ASTN2: variants seen among roughly 807,000 people sequenced by gnomAD.
ASTN2 encodes the protein astrotactin-2.
In ASTN2, 54 loss-of-function variants were observed where a neutral mutation model predicts 139.8. The ratio of observed to expected loss-of-function variants is 0.39; its 90% confidence interval spans 0.31 to 0.48. The LOEUF (loss-of-function observed/expected upper bound fraction) is 0.48, where lower values mean the gene tolerates loss of function less well. ASTN2 is among the 20% of genes least tolerant of loss of function. The probability of loss-of-function intolerance (pLI) is 0.95; values close to 1 mark genes in which losing one functional copy is unlikely to be tolerated. For synonymous variants in ASTN2, 756 were observed against 719.5 expected, an observed-to-expected ratio of 1.05 and a Z score of -0.81; for missense variants, 1,565 against 1,725.1, an observed-to-expected ratio of 0.91 and a Z score of 1.64.
At chr9:116,805,175 GA>G (rs1292887464) in intron 13 of ASTN2, among the ~76,000 whole-genome samples, 1 of 151,832 alleles carries the variant, frequency 6.6e-6, no homozygotes, top group African/African-American at 2.4e-5. Flanking sequence ...GAGAGAAAGA[GA>G]GAAGTAGAAA....
chr9:117,105,055 A>G (rs191327503), intron 4 of ASTN2, among the ~76,000 whole-genome samples: 5 of 152,178 alleles, frequency 3.3e-5, no homozygotes, highest in South Asian at 2.1e-4. Context: ...GTGGGATGGT[A>G]TATTTTCCAA....
intron 13 of ASTN2, among the ~76,000 whole-genome samples, chr9:116,738,494 CTA>C (rs1021533121): frequency 6.6e-5 from 10 of 151,564 alleles, no homozygotes; most frequent in East Asian, 1.9e-4. Context: ...AAAAAAAAGA[CTA>C]TGTGTTGGGT....
chr9:116,851,677 A>G lies in ASTN2; in HGVS notation c.2040+11906T>C, dbSNP rs181928944. ...GCATATAATAATTTCATAATTAAAA[A>G]AAAACACGTTTTAGTTGAATTGCTT... On this transcript the variant is annotated intron_variant, in intron 11 of 22. Coordinates refer to ENST00000313400, the MANE Select transcript of ASTN2 (RefSeq NM_001365068.1). Among the ~76,000 whole-genome samples the G allele has an allele frequency of 7.9e-5, 12 of 152,216 alleles. No homozygotes were observed. In the East Asian group the frequency reaches 2.3e-3, roughly 29 times the overall value.
chr9:116,693,930 A>C (rs983325418), intron 16 of ASTN2, among the ~76,000 whole-genome samples: 3 of 152,204 alleles, frequency 2.0e-5, no homozygotes, highest in Admixed American at 6.5e-5. Context: ...ATTTCAGGCT[A>C]AGATCCTTCA....
intron 11 of ASTN2, among the ~76,000 whole-genome samples, chr9:116,861,740 G>T (rs1832887483): frequency 6.6e-6 from 1 of 152,194 alleles, no homozygotes; most frequent in African/African-American, 2.4e-5. Context: ...GGATAAATGG[G>T]CATGAGAACC....
At chr9:117,383,523 C>T (rs1162420100) in intron 1 of ASTN2, among the ~76,000 whole-genome samples, 2 of 151,930 alleles carry the variant, frequency 1.3e-5, no homozygotes, top group South Asian at 2.1e-4. Context: ...TTGCTTTGAA[C>T]TGTAACACTT....
chr9:117,141,291 C>T (rs760770909), intron 4 of ASTN2, 35 bp downstream of exon 4: 2 of 1,362,624 alleles, frequency 1.5e-6, no homozygotes, highest in Non-Finnish European at 2.0e-6. Flanking sequence ...GGACAACCTT[C>T]TGACTTCCTG....
At position 116,423,573 on chromosome 9, in the gene ASTN2, C is replaced by T. The variant is rs1588043445; in HGVS notation, c.*2278G>A. On this transcript the variant is annotated 3_prime_UTR_variant, in exon 23 of 23. Transcript: ENST00000313400. ...GGACCCAGGCCCAGCAAACTGATAG[C>T]TCTCTGAAGGCCCATGTATACCCAG... Among the ~76,000 whole-genome samples, 1 of 152,306 alleles carries T rather than the reference C, an allele frequency of 6.6e-6. No homozygotes were observed. Among genetic ancestry groups the T allele is most frequent in the East Asian group, 1.9e-4 (1 of 5,188 alleles).
At chr9:117,259,727 T>C (rs1418268650) in intron 2 of ASTN2, among the ~76,000 whole-genome samples, 1 of 152,202 alleles carries the variant, frequency 6.6e-6, no homozygotes, top group Non-Finnish European at 1.5e-5. Flanking sequence ...CATGTATTGA[T>C]TGATGTATTA....
chr9:117,323,053 G>T (rs1286248348), intron 1 of ASTN2, among the ~76,000 whole-genome samples: 1 of 151,864 alleles, frequency 6.6e-6, no homozygotes, highest in Non-Finnish European at 1.5e-5. Context: ...GCAGATTTTT[G>T]TTTTAATTTA....
intron 4 of ASTN2, among the ~76,000 whole-genome samples, chr9:117,139,978 C>G (rs543623393): frequency 3.9e-5 from 6 of 152,308 alleles, no homozygotes; most frequent in African/African-American, 1.4e-4. Flanking sequence ...CTGCCAGGTT[C>G]TCCCTGGCCC....
chr9:116,598,094 G>C (rs1358562849), intron 19 of ASTN2, among the ~76,000 whole-genome samples: 2 of 152,200 alleles, frequency 1.3e-5, no homozygotes, highest in Non-Finnish European at 2.9e-5. Flanking sequence ...GGCTGGATCA[G>C]AACAGGGTAA....
intron 17 of ASTN2, among the ~76,000 whole-genome samples, chr9:116,632,140 GAGAGAGAGAGAGAGAGAC>G (rs1856777907): frequency 1.3e-5 from 1 of 79,050 alleles, no homozygotes; most frequent in East Asian, 9.6e-4. Context: ...GAGAGAGAGA[GAGAGAGAGAGAGAGAGAC>G]AGAGAGAGAG....
intron 10 of ASTN2, among the ~76,000 whole-genome samples, chr9:116,943,721 T>C (rs1258139015): frequency 6.6e-6 from 1 of 152,178 alleles, no homozygotes; most frequent in Non-Finnish European, 1.5e-5. Flanking sequence ...AAGCCTCAAC[T>C]CTGGGCAGTG....
chr9:117,332,784 TA>T (rs1235532357), intron 1 of ASTN2, among the ~76,000 whole-genome samples: 2 of 152,182 alleles, frequency 1.3e-5, no homozygotes, highest in African/African-American at 4.8e-5. Context: ...TTCAGCTCAA[TA>T]TGGCATATCC....
intron 10 of ASTN2, among the ~76,000 whole-genome samples, chr9:116,896,502 A>G (rs1484791701): frequency 2.6e-5 from 4 of 152,024 alleles, no homozygotes; most frequent in African/African-American, 9.7e-5. Flanking sequence ...TGTTTTTAGT[A>G]GAGACAGGGT....
chr9:117,318,719 C>CT (rs1210048067), intron 1 of ASTN2, among the ~76,000 whole-genome samples: 3 of 152,288 alleles, frequency 2.0e-5, no homozygotes, highest in African/African-American at 7.2e-5. Flanking sequence ...CCAATGTCCT[C>CT]TGTCTGTGAA....
At chr9:116,654,680 A>T (rs949701493) in intron 16 of ASTN2, among the ~76,000 whole-genome samples, 5 of 152,232 alleles carry the variant, frequency 3.3e-5, no homozygotes, top group Non-Finnish European at 5.9e-5. Context: ...GAGTCCTTTC[A>T]GCACACAATC....
intron 5 of ASTN2, among the ~76,000 whole-genome samples, chr9:117,065,152 G>T (rs1827898356): frequency 6.6e-6 from 1 of 152,086 alleles, no homozygotes; most frequent in Non-Finnish European, 1.5e-5. Context: ...GACAGCTCCA[G>T]GAGGCTAGGA....
Sources: allele counts gnomAD v4.1 joint callset (sites outside exome capture counted in the v4.1 genomes callset), GRCh38; gene constraint gnomAD v4.1.1; transcripts MANE v1.5; gene names NCBI Gene and HGNC (gene_info 2026-07-23, HGNC 2026-07-21).